SORCS2: variants seen among roughly 807,000 people sequenced by gnomAD.
The protein encoded by SORCS2 is VPS10 domain-containing receptor SorCS2.
Under a neutral mutation model 141.6 loss-of-function variants are expected in SORCS2, and 100 were observed. The observed-to-expected ratio is 0.71, with a 90% CI of 0.60 to 0.83. The LOEUF (loss-of-function observed/expected upper bound fraction) is 0.83. Ranked by LOEUF, SORCS2 falls within the 40% of genes least tolerant of loss-of-function variation. The probability of loss-of-function intolerance (pLI) is 0.00; values close to 1 mark genes in which losing one functional copy is unlikely to be tolerated. For missense variants in SORCS2, 1,646 were observed against 1,560.2 expected (o/e 1.05, Z -0.93); for synonymous variants, 789 against 676.9 (o/e 1.17, Z -2.57).
intron 1 of SORCS2, among the ~76,000 whole-genome samples, chr4:7,262,394 CCA>C (rs1714417176): frequency 7.5e-6 from 1 of 133,632 alleles, no homozygotes; most frequent in Non-Finnish European, 1.5e-5. Context: ...ATCCATCCAT[CCA>C]TCCATCCATC....
intron 2 of SORCS2, among the ~76,000 whole-genome samples, chr4:7,463,907 G>A (rs765472793): frequency 1.4e-4 from 22 of 152,352 alleles, no homozygotes; most frequent in African/African-American, 5.0e-4. Flanking sequence ...GCGGAGGCTG[G>A]TGATTTCAAA....
chr4:7,267,262 T>G (rs977161170), intron 1 of SORCS2, among the ~76,000 whole-genome samples: 2 of 152,228 alleles, frequency 1.3e-5, no homozygotes, highest in Non-Finnish European at 2.9e-5. Context: ...CTGTTTTACC[T>G]AAGCGTTAAA....
At chr4:7,377,221 A>G (rs1722712004) in intron 1 of SORCS2, among the ~76,000 whole-genome samples, 2 of 151,922 alleles carry the variant, frequency 1.3e-5, no homozygotes, top group South Asian at 2.1e-4. Flanking sequence ...TGGTTATGCT[A>G]TGGTTTATGG....
chr4:7,660,035 G>A (rs1421082133), intron 5 of SORCS2, among the ~76,000 whole-genome samples: 1 of 152,164 alleles, frequency 6.6e-6, no homozygotes, highest in African/African-American at 2.4e-5. Context: ...AACCATTCGG[G>A]ATCATTCAAG....
chr4:7,322,455 G>A (rs147972374), intron 1 of SORCS2, among the ~76,000 whole-genome samples: 10 of 152,336 alleles, frequency 6.6e-5, no homozygotes, highest in African/African-American at 1.2e-4. Flanking sequence ...GGTGTACCGC[G>A]TCCCGCTGCA....
intron 1 of SORCS2, among the ~76,000 whole-genome samples, chr4:7,320,646 C>T (rs1173662790): frequency 2.0e-5 from 3 of 152,266 alleles, no homozygotes; most frequent in Non-Finnish European, 4.4e-5. Context: ...GGCAGGGCCC[C>T]GTGACTCTTT....
intron 4 of SORCS2, 95 bp downstream of exon 4, chr4:7,638,587 G>T: frequency 7.5e-7 from 1 of 1,340,368 alleles, no homozygotes; most frequent in Non-Finnish European, 1.0e-6. Flanking sequence ...GTGGGACCCG[G>T]AACCCCTGGG....
intron 3 of SORCS2, among the ~76,000 whole-genome samples, chr4:7,544,969 T>C (rs1713131135): frequency 6.6e-6 from 1 of 152,166 alleles, no homozygotes; most frequent in African/African-American, 2.4e-5. Context: ...GTTCTCCATT[T>C]CCCTTGATAG....
chr4:7,598,330 C>T (rs779852377), intron 3 of SORCS2, among the ~76,000 whole-genome samples: 1 of 152,104 alleles, frequency 6.6e-6, no homozygotes, highest in Non-Finnish European at 1.5e-5. Context: ...TCCTAGGCTG[C>T]CCGATGATGC....
Position 7,723,767 on chromosome 4 carries a change from C to A in SORCS2, c.2495C>A (p.Thr832Lys), listed in dbSNP as rs773103630. The A allele has an allele frequency of 6.8e-6, 11 of 1,613,892 alleles. No individual in the cohort carries two copies. The highest frequency in any genetic ancestry group is 6.7e-5 in the Admixed American group (4 of 60,012). The change falls in exon 19 of 27, where the codon ACA (threonine) becomes AAA (lysine). Residue 832 changes from threonine to lysine, a missense_variant. Transcript: ENST00000507866. Reference sequence around the variant, plus strand: ...TTCAAGGCCATGTACGTGAACCTTACACTGACCGGGGAGCCCATCCGGCAC... The same window carrying A: ...TTCAAGGCCATGTACGTGAACCTTAAACTGACCGGGGAGCCCATCCGGCAC... Reference protein sequence around the residue: ...DGFKAMYVNLTLTGEPIRHRY... With the variant: ...DGFKAMYVNLKLTGEPIRHRY...
chr4:7,507,291 C>T (rs1010215161), intron 2 of SORCS2, among the ~76,000 whole-genome samples: 2 of 152,112 alleles, frequency 1.3e-5, no homozygotes, highest in Non-Finnish European at 2.9e-5. Flanking sequence ...TCCCCTGCCT[C>T]AGCCTCCTGA....
chr4:7,303,450 A>G (rs1358118132), intron 1 of SORCS2, among the ~76,000 whole-genome samples: 9 of 152,090 alleles, frequency 5.9e-5, no homozygotes, highest in African/African-American at 2.2e-4. Context: ...GCCCCTTTTT[A>G]GTTCTTGAGA....
At chr4:7,396,746 C>T (rs1236563704) in intron 2 of SORCS2, among the ~76,000 whole-genome samples, 2 of 152,180 alleles carry the variant, frequency 1.3e-5, no homozygotes. Context: ...TCTGATTATC[C>T]TCATTGTTTG....
intron 3 of SORCS2, among the ~76,000 whole-genome samples, chr4:7,574,941 C>A (rs1456432552): frequency 6.6e-6 from 1 of 152,232 alleles, no homozygotes; most frequent in East Asian, 1.9e-4. Context: ...GACTCCTGGG[C>A]CCTCCTGCAA....
chr4:7,436,268 A>G (rs770077969), intron 2 of SORCS2, among the ~76,000 whole-genome samples: 26 of 152,124 alleles, frequency 1.7e-4, no homozygotes, highest in Non-Finnish European at 3.7e-4. Flanking sequence ...CCTTACCTGG[A>G]CTTGGCTCAG....
At chr4:7,330,727 A>G (rs890680848) in intron 1 of SORCS2, among the ~76,000 whole-genome samples, 1 of 152,082 alleles carries the variant, frequency 6.6e-6, no homozygotes, top group South Asian at 2.1e-4. Context: ...CAGAGGCAGG[A>G]TGTCTACCTT....
rs115683723 is a variant in SORCS2, at chr4:7,456,917, G to A, written c.548+60562G>A. Among the ~76,000 whole-genome samples, 516 of 145,066 alleles carry A rather than the reference G, an allele frequency of 3.6e-3. 5 individuals are homozygous for A. Among genetic ancestry groups the A allele is most frequent in the African/African-American group, 0.012 (488 of 40,276 alleles). On this transcript the variant is annotated intron_variant, in intron 2 of 26. Transcript: ENST00000507866. ...CCTGGGCAAGGCTTCACTGCTCCAC[G>A]CTCCATTTCACCCCTGGTTGGGTGC...
At position 7,608,579 on chromosome 4, in the gene SORCS2, G is replaced by A. The variant is rs180921714; in HGVS notation, c.649-29749G>A. ...GTGGGCATCCCACACAGGCTCCCAG[G>A]AAGAGGTGTTCAAGATGCTTGCCAG... On this transcript the variant is annotated intron_variant, in intron 3 of 26. Coordinates refer to ENST00000507866, the MANE Select transcript of SORCS2 (RefSeq NM_020777.3). Among the ~76,000 whole-genome samples, 562 of 152,304 alleles carry A rather than the reference G, an allele frequency of 3.7e-3. 4 individuals carry two copies. Among genetic ancestry groups the A allele is most frequent in the African/African-American group, 0.013 (540 of 41,562 alleles).
chr4:7,196,900 T>G (rs1471341977), intron 1 of SORCS2, among the ~76,000 whole-genome samples: 1 of 152,188 alleles, frequency 6.6e-6, no homozygotes, highest in African/African-American at 2.4e-5. Context: ...TCTACTATAC[T>G]ACCCATGGCC....
Sources: allele counts gnomAD v4.1 joint callset (sites outside exome capture counted in the v4.1 genomes callset), GRCh38; gene constraint gnomAD v4.1.1; transcripts MANE v1.5; gene names NCBI Gene and HGNC (gene_info 2026-07-23, HGNC 2026-07-21).